Variants in AGBL1 observed in about 807,000 individuals in gnomAD.
The protein encoded by AGBL1 is AGBL carboxypeptidase 1.
Under a neutral mutation model 118.9 loss-of-function variants are expected in AGBL1, and 130 were observed. The observed-to-expected ratio is 1.09, with a 90% CI of 0.95 to 1.26. The LOEUF (loss-of-function observed/expected upper bound fraction) is 1.26. Ranked by LOEUF, AGBL1 falls within the 50% of genes most tolerant of loss-of-function variation. The pLI, the probability that AGBL1 is intolerant of heterozygous loss-of-function variation, is 0.00. For synonymous variants in AGBL1, 555 were observed against 478.9 expected, an observed-to-expected ratio of 1.16 and a Z score of -2.08; for missense variants, 1,584 against 1,298.1, an observed-to-expected ratio of 1.22 and a Z score of -3.38.
At chr15:86,599,334 A>T (rs900139662) in intron 21 of AGBL1, among the ~76,000 whole-genome samples, 1 of 148,982 alleles carries the variant, frequency 6.7e-6, no homozygotes, top group Non-Finnish European at 1.5e-5. Context: ...AGATGTTTCC[A>T]TTTTTTTTTT....
intron 21 of AGBL1, among the ~76,000 whole-genome samples, chr15:86,575,678 T>C (rs2084081099): frequency 1.3e-5 from 2 of 151,960 alleles, no homozygotes; most frequent in Admixed American, 1.3e-4. Context: ...CAGTCTTGAC[T>C]TCCTGGGCTC....
At chr15:86,904,936 C>G (rs867481005) in intron 22 of AGBL1, among the ~76,000 whole-genome samples, 1 of 151,910 alleles carries the variant, frequency 6.6e-6, no homozygotes, top group African/African-American at 2.4e-5. Flanking sequence ...ATAAATCTGA[C>G]AGAGGCATGG....
At chr15:86,542,383 T>C (rs1295276057) in intron 19 of AGBL1, among the ~76,000 whole-genome samples, 4 of 91,060 alleles carry the variant, frequency 4.4e-5, no homozygotes, top group African/African-American at 2.3e-4. Context: ...TTTTTTTTTT[T>C]GAGACAGAGT....
chr15:86,714,573 T>C (rs2086609421), intron 22 of AGBL1, among the ~76,000 whole-genome samples: 1 of 152,076 alleles, frequency 6.6e-6, no homozygotes, highest in African/African-American at 2.4e-5. Flanking sequence ...ACAACTAAGA[T>C]TCAAACGTCT....
chr15:86,787,657 A>G (rs908028727), intron 22 of AGBL1, among the ~76,000 whole-genome samples: 2 of 152,078 alleles, frequency 1.3e-5, no homozygotes, highest in Admixed American at 1.3e-4. Context: ...GGTTGTTTCC[A>G]TATTTTGCCT....
intron 17 of AGBL1, among the ~76,000 whole-genome samples, chr15:86,359,837 C>G (rs1344300393): frequency 2.0e-5 from 3 of 151,622 alleles, no homozygotes; most frequent in Non-Finnish European, 3.0e-5. Flanking sequence ...GGGGTTCTTT[C>G]TTAATTTTCT....
At chr15:86,274,900 C>G (rs1366904623) in intron 15 of AGBL1, among the ~76,000 whole-genome samples, 1 of 152,036 alleles carries the variant, frequency 6.6e-6, no homozygotes, top group Non-Finnish European at 1.5e-5. Flanking sequence ...GATCACCCTG[C>G]CCCTCCCCTG....
chr15:86,220,680 G>A (rs1172895853), intron 5 of AGBL1, among the ~76,000 whole-genome samples: 1 of 152,134 alleles, frequency 6.6e-6, no homozygotes, highest in Non-Finnish European at 1.5e-5. Context: ...GGATGTGGGC[G>A]GTTCCACTTT....
intron 3 of AGBL1, among the ~76,000 whole-genome samples, chr15:86,144,729 G>T (rs889591360): frequency 6.6e-6 from 1 of 152,106 alleles, no homozygotes; most frequent in Non-Finnish European, 1.5e-5. Flanking sequence ...CTTAATACCT[G>T]GATGCTGAAA....
intron 18 of AGBL1, among the ~76,000 whole-genome samples, chr15:86,485,358 C>A (rs2082699755): frequency 6.6e-6 from 1 of 151,704 alleles, no homozygotes; most frequent in Non-Finnish European, 1.5e-5. Context: ...AGAGTTCCAC[C>A]CATGATTTTT....
At position 86,104,060 on chromosome 15, in the gene AGBL1, G is replaced by A. The variant is rs552265377; in HGVS notation, c.51+24037G>A. On this transcript the variant is annotated intron_variant, in intron 1 of 22. Coordinates refer to ENST00000614907, the MANE Select transcript of AGBL1 (RefSeq NM_001386094.1). ...AGGTGGTGCATGCAGGTGGGTGCCC[G>A]CTGTGCTGGTAGCTGCAGATTGAGT... 4.1e-4 allele frequency among the ~76,000 whole-genome samples: 63 copies of A among 152,332 alleles called. 1 individual carries two copies. In the South Asian group the frequency reaches 0.011, roughly 27 times the overall value.
chr15:86,326,583 T>G (rs2080187738), intron 17 of AGBL1, among the ~76,000 whole-genome samples: 1 of 152,222 alleles, frequency 6.6e-6, no homozygotes, highest in South Asian at 2.1e-4. Flanking sequence ...TCTTTTCTTT[T>G]CTTTTCTTTT....
intron 23 of AGBL1, among the ~76,000 whole-genome samples, chr15:86,983,244 T>C (rs1337331985): frequency 6.6e-6 from 1 of 152,182 alleles, no homozygotes; most frequent in Non-Finnish European, 1.5e-5. Context: ...GTTTATCTTT[T>C]CTTATTGATT....
At chr15:86,327,816 C>G (rs11638343) in intron 17 of AGBL1, among the ~76,000 whole-genome samples, 72,975 of 152,032 alleles carry the variant, frequency 0.48, 18,916 homozygotes, top group Non-Finnish European at 0.6. Context: ...AAAAGCACAG[C>G]TATTCTAATT....
At position 86,674,667 on chromosome 15, in the gene AGBL1, A is replaced by G. The variant is rs190689289; in HGVS notation, c.3158+231A>G. Among the ~76,000 whole-genome samples the G allele has an allele frequency of 2.6e-5, 4 of 152,302 alleles. No individual in the cohort carries two copies. The East Asian group carries it at 7.7e-4, about 29-fold the overall frequency. On this transcript the variant is annotated intron_variant, in intron 22 of 22. Transcript: ENST00000614907. ...ACTATATGTATTTATACATATTTCT[A>G]GGTAACACATTTATGATAAGATGTG...
Position 86,502,345 on chromosome 15 carries a change from G to T in AGBL1, c.2556-20465G>T, listed in dbSNP as rs562609713. 5.3e-5 allele frequency among the ~76,000 whole-genome samples: 8 copies of T among 151,460 alleles called. No homozygotes were observed. In the South Asian group the frequency reaches 6.2e-4, roughly 12 times the overall value. ...CTCTAATTTTTTGTAGATTAATTAG[G>T]ATTTTCTGTATACAAGATTGTATCA... On this transcript the variant is annotated intron_variant, in intron 18 of 22. Transcript: ENST00000614907.
chr15:86,610,288 C>A (rs557653386), intron 21 of AGBL1, among the ~76,000 whole-genome samples: 218 of 131,962 alleles, frequency 1.7e-3, no homozygotes, highest in African/African-American at 5.0e-3. Context: ...ACACAGCAGA[C>A]TGAGAAAGAG....
At chr15:86,997,917 ACACACACACACACACACACT>A (rs1329136893) in intron 24 of AGBL1, among the ~76,000 whole-genome samples, 3 of 151,536 alleles carry the variant, frequency 2.0e-5, no homozygotes, top group Non-Finnish European at 2.9e-5. Context: ...ACACACACAC[ACACACACACACACACACACT>A]TTGCCTATTT....
chr15:86,153,365 C>T lies in AGBL1; in HGVS notation c.263-1065C>T, dbSNP rs370378634. On this transcript the variant is annotated intron_variant, in intron 3 of 22. Transcript: ENST00000614907. ...GATGAGTTTATTTCCTTTGCAGGGA[C>T]ATGGATGAAGCTGGAAACCATCATT... Among the ~76,000 whole-genome samples, 246 of 152,248 alleles carry T rather than the reference C, an allele frequency of 1.6e-3. 3 individuals are homozygous for T. In the South Asian group the frequency reaches 0.046, roughly 29 times the overall value.
Sources: allele counts gnomAD v4.1 joint callset (sites outside exome capture counted in the v4.1 genomes callset), GRCh38; gene constraint gnomAD v4.1.1; transcripts MANE v1.5; gene names NCBI Gene and HGNC (gene_info 2026-07-23, HGNC 2026-07-21).